WWC2: variants seen among roughly 807,000 people sequenced by gnomAD.
WWC2 encodes WW and C2 domain containing 2, also known as protein WWC2.
A neutral mutation model predicts 138.5 loss-of-function variants in WWC2; 101 were observed. That is an observed-to-expected ratio of 0.73 (90% CI 0.62 to 0.86). The LOEUF is 0.86. Among genes scored for constraint, WWC2 ranks in the 40% least tolerant of loss-of-function variants. The probability of loss-of-function intolerance (pLI) is 0.00; values close to 1 mark genes in which losing one functional copy is unlikely to be tolerated. For missense variants in WWC2, 1,420 were observed against 1,419.4 expected (o/e 1.00, Z -0.01); for synonymous variants, 558 against 538.4 (o/e 1.04, Z -0.50).
intron 1 of WWC2, among the ~76,000 whole-genome samples, chr4:183,182,364 A>G (rs965083766): frequency 1.3e-5 from 2 of 152,212 alleles, no homozygotes; most frequent in East Asian, 1.9e-4. Flanking sequence ...GTGTTGAACT[A>G]CAGGTTGGGA....
intron 4 of WWC2, among the ~76,000 whole-genome samples, chr4:183,214,499 A>G (rs544783383): frequency 6.6e-6 from 1 of 152,312 alleles, no homozygotes; most frequent in South Asian, 2.1e-4. Context: ...TTCAAATAAA[A>G]AGAAATATGC....
chr4:183,258,621 C>T (rs1391218967), intron 9 of WWC2, among the ~76,000 whole-genome samples: 1 of 152,220 alleles, frequency 6.6e-6, no homozygotes, highest in Non-Finnish European at 1.5e-5. Context: ...CTGTCAAGCA[C>T]TTTCTCATAC....
chr4:183,268,012 TAGTA>T (rs1482459993), intron 14 of WWC2, among the ~76,000 whole-genome samples: 1 of 152,224 alleles, frequency 6.6e-6, no homozygotes, highest in Non-Finnish European at 1.5e-5. Context: ...AGCTGTGTCT[TAGTA>T]AGGCTCTTTA....
At chr4:183,103,362 TTC>T in intron 1 of WWC2, among the ~76,000 whole-genome samples, 1 of 150,178 alleles carries the variant, frequency 6.7e-6, no homozygotes, top group African/African-American at 2.5e-5. Context: ...AGACGGTGTT[TTC>T]GTTCTGTTGC....
In WWC2 at chr4:183,210,107, G is replaced by A. The variant is rs145411252; in HGVS notation, c.522+1082G>A. Reference sequence around the variant, plus strand: ...GTACATACCATAAATTCTTTATCTCGTAATATTGATGTACATTAAAGTTTA... The same window carrying A: ...GTACATACCATAAATTCTTTATCTCATAATATTGATGTACATTAAAGTTTA... On this transcript the variant is annotated intron_variant, in intron 4 of 22. Transcript: ENST00000403733. 1.5e-3 allele frequency among the ~76,000 whole-genome samples: 227 copies of A among 151,922 alleles called. 2 individuals are homozygous for A. Among genetic ancestry groups the A allele is most frequent in the African/African-American group, 5.1e-3 (209 of 41,372 alleles).
chr4:183,178,895 G>A (rs976993703), intron 1 of WWC2, among the ~76,000 whole-genome samples: 3 of 152,150 alleles, frequency 2.0e-5, no homozygotes, highest in Non-Finnish European at 2.9e-5. Context: ...ATCTGTGTCT[G>A]AGTAAAATAC....
intron 2 of WWC2, among the ~76,000 whole-genome samples, chr4:183,202,648 C>T (rs964651449): frequency 3.3e-5 from 5 of 151,790 alleles, no homozygotes; most frequent in African/African-American, 4.8e-5. Context: ...CTTTTTTCTC[C>T]GGTGTTGCTG....
intron 5 of WWC2, 82 bp downstream of exon 5, chr4:183,240,344 A>G: frequency 2.7e-6 from 3 of 1,104,288 alleles, no homozygotes; most frequent in South Asian, 1.9e-5. Flanking sequence ...TACAGATTAC[A>G]TAAGCGATTT....
rs6854742 is a variant in WWC2, at chr4:183,236,283, G to A, written c.523-3900G>A. Among the ~76,000 whole-genome samples the A allele has an allele frequency of 3.1e-3, 470 of 152,262 alleles. 4 individuals carry two copies. The highest frequency in any genetic ancestry group is 0.011 in the African/African-American group (438 of 41,538). ...TTTTGAAAAAGGAAAAACTTCAGAC[G>A]AATTAAATTTAAAGGAGTTTAATTG... On this transcript the variant is annotated intron_variant, in intron 4 of 22. Coordinates refer to ENST00000403733, the MANE Select transcript of WWC2 (RefSeq NM_024949.6).
intron 1 of WWC2, among the ~76,000 whole-genome samples, chr4:183,143,833 A>G (rs1561434418): frequency 6.6e-6 from 1 of 151,246 alleles, no homozygotes; most frequent in Non-Finnish European, 1.5e-5. Context: ...AAAAAAAAAT[A>G]CACACAAACA....
At chr4:183,280,325 A>T (rs750552287) in intron 16 of WWC2, among the ~76,000 whole-genome samples, 31 of 141,622 alleles carry the variant, frequency 2.2e-4, no homozygotes, top group Non-Finnish European at 9.0e-5. Flanking sequence ...CAGGAATATC[A>T]TGTAGAATAT....
intron 4 of WWC2, among the ~76,000 whole-genome samples, chr4:183,238,528 G>T (rs1315882415): frequency 6.6e-6 from 1 of 152,074 alleles, no homozygotes; most frequent in Non-Finnish European, 1.5e-5. Flanking sequence ...TCCTTTTCCA[G>T]TTCCATCTTT....
Position 183,319,541 on chromosome 4 carries a change from C to T in WWC2, c.*3812C>T. On this transcript the variant is annotated 3_prime_UTR_variant, in exon 23 of 23. Coordinates refer to ENST00000403733, the MANE Select transcript of WWC2 (RefSeq NM_024949.6). ...GCAAGCGTCTCCTGAACAGCAGACG[C>T]TTGTCCTTTCTGGCTTAGTGTTTCA... 1.3e-6 allele frequency: 2 copies of T among 1,598,150 alleles called. No homozygotes were observed. Among genetic ancestry groups the T allele is most frequent in the Non-Finnish European group, 1.7e-6 (2 of 1,172,194 alleles).
chr4:183,122,744 C>T (rs1187596826), intron 1 of WWC2, among the ~76,000 whole-genome samples: 2 of 152,110 alleles, frequency 1.3e-5, no homozygotes, highest in Non-Finnish European at 2.9e-5. Context: ...GTCTTGAACT[C>T]CTGGCCTCAA....
At chr4:183,240,985 G>A (rs750607779) in intron 5 of WWC2, among the ~76,000 whole-genome samples, 3 of 152,170 alleles carry the variant, frequency 2.0e-5, no homozygotes, top group Admixed American at 6.5e-5. Context: ...TATCCAAACC[G>A]TGACAGGCAC....
chr4:183,249,006 T>A, intron 7 of WWC2, 146 bp downstream of exon 7: 1 of 826,552 alleles, frequency 1.2e-6, no homozygotes, highest in Non-Finnish European at 1.7e-6. Context: ...AGATTAGTTT[T>A]AAAAATCATA....
At position 183,209,740 on chromosome 4, in the gene WWC2, T is replaced by C. The variant is rs142986205; in HGVS notation, c.522+715T>C. ...GTGCTCATAATGCCTCATGGAGAGG[T>C]GTTTCCTGAATCTTGGCCTGAATCT... On this transcript the variant is annotated intron_variant, in intron 4 of 22. Coordinates refer to ENST00000403733, the MANE Select transcript of WWC2 (RefSeq NM_024949.6). 2.2e-3 allele frequency among the ~76,000 whole-genome samples: 328 copies of C among 152,248 alleles called. 2 individuals carry two copies. Among genetic ancestry groups the C allele is most frequent in the Non-Finnish European group, 3.8e-3 (258 of 68,008 alleles).
intron 21 of WWC2, among the ~76,000 whole-genome samples, chr4:183,311,016 C>T (rs1290085524): frequency 6.6e-6 from 1 of 152,110 alleles, no homozygotes; most frequent in African/African-American, 2.4e-5. Flanking sequence ...GGTCAAGCAA[C>T]TTGCCCAGAT....
chr4:183,160,834 G>A (rs1023726122), intron 1 of WWC2, among the ~76,000 whole-genome samples: 1 of 152,130 alleles, frequency 6.6e-6, no homozygotes, highest in Non-Finnish European at 1.5e-5. Flanking sequence ...GATTATTTAA[G>A]GTGGGTGATG....
Sources: allele counts gnomAD v4.1 joint callset (sites outside exome capture counted in the v4.1 genomes callset), GRCh38; gene constraint gnomAD v4.1.1; transcripts MANE v1.5; gene names NCBI Gene and HGNC (gene_info 2026-07-23, HGNC 2026-07-21).